Variants in ST6GALNAC3 observed in about 807,000 individuals in gnomAD.
The protein encoded by ST6GALNAC3 is ST6 N-acetylgalactosaminide alpha-2,6-sialyltransferase 3, also known as alpha-N-acetylgalactosaminide alpha-2,6-sialyltransferase 3.
ST6GALNAC3 carries 25 observed loss-of-function variants against 32.7 expected under a neutral mutation model. The ratio of observed to expected loss-of-function variants is 0.76; its 90% CI spans 0.56 to 1.07. ST6GALNAC3 has a LOEUF of 1.07. Among genes scored for constraint, ST6GALNAC3 ranks in the 50% least tolerant of loss-of-function variants. ST6GALNAC3 has a pLI of 0.00. For missense variants in ST6GALNAC3, 355 were observed against 382.4 expected (o/e 0.93, Z 0.60); for synonymous variants, 129 against 133.1 (o/e 0.97, Z 0.21).
chr1:76,496,313 A>G (rs1249430499), intron 3 of ST6GALNAC3, among the ~76,000 whole-genome samples: 3 of 152,184 alleles, frequency 2.0e-5, no homozygotes, highest in African/African-American at 7.2e-5. Flanking sequence ...TGGAGAAGCT[A>G]AGGCAGAAGG....
intron 2 of ST6GALNAC3, among the ~76,000 whole-genome samples, chr1:76,391,564 CT>C: frequency 6.8e-6 from 1 of 146,454 alleles, no homozygotes; most frequent in Non-Finnish European, 1.5e-5. Context: ...TCCTTCCTTC[CT>C]TCCTTCCTCC....
chr1:76,401,316 CTTT>C (rs1412845310), intron 2 of ST6GALNAC3, among the ~76,000 whole-genome samples: 1 of 151,878 alleles, frequency 6.6e-6, no homozygotes, highest in Non-Finnish European at 1.5e-5. Context: ...TTCTTGAGTT[CTTT>C]ATTTCATGTA....
chr1:76,123,019 T>C (rs1648988327), intron 1 of ST6GALNAC3, among the ~76,000 whole-genome samples: 2 of 152,196 alleles, frequency 1.3e-5, no homozygotes, highest in South Asian at 4.1e-4. Flanking sequence ...CCAGATCTCT[T>C]GAATCCAGAT....
At chr1:76,635,494 A>G (rs1018922349), downstream of ST6GALNAC3, among the ~76,000 whole-genome samples, 7 of 152,182 alleles carry the variant, frequency 4.6e-5, no homozygotes, top group African/African-American at 1.7e-4. Context: ...GAAGCACTAG[A>G]GAGATTAAAT....
chr1:76,405,016 G>C (rs1204819403), intron 2 of ST6GALNAC3, among the ~76,000 whole-genome samples: 2 of 152,100 alleles, frequency 1.3e-5, no homozygotes, highest in African/African-American at 4.8e-5. Context: ...ATATCAAATA[G>C]AAATTCATTT....
chr1:76,125,304 G>A (rs192508122), intron 1 of ST6GALNAC3, among the ~76,000 whole-genome samples: 45 of 152,168 alleles, frequency 3.0e-4, no homozygotes, highest in Middle Eastern at 3.4e-3. Context: ...CCTCCTTATC[G>A]GATCTTGTTC....
chr1:76,148,488 C>A (rs566828913), intron 1 of ST6GALNAC3, among the ~76,000 whole-genome samples: 23 of 152,228 alleles, frequency 1.5e-4, no homozygotes, highest in African/African-American at 5.3e-4. Context: ...GTTTTCCTTC[C>A]GATATCTTTA....
chr1:76,417,206 G>GT lies in ST6GALNAC3; in HGVS notation c.623+4799dup, dbSNP rs1188575817. 3.5e-3 allele frequency among the ~76,000 whole-genome samples: 486 copies of GT among 140,500 alleles called. 3 individuals are homozygous for GT. The highest frequency in any genetic ancestry group is 0.01 in the African/African-American group (397 of 38,342). The allele number at this position is 140,500 out of a possible 152,430, so 92.2% of individuals were successfully genotyped here. A position where few individuals can be genotyped will look rare whatever the true frequency, so the allele number is the denominator to read the frequency against. On this transcript the variant is annotated intron_variant, in intron 3 of 4. Transcript: ENST00000328299. ...TGTCTTTATCTTCTGGGGCCCAGTT[G>GT]TTTTTTTTTTCTTTCTTTCTTTTTT...
chr1:76,578,283 A>G (rs1646840798), intron 3 of ST6GALNAC3, among the ~76,000 whole-genome samples: 2 of 152,052 alleles, frequency 1.3e-5, no homozygotes, highest in South Asian at 4.1e-4. Flanking sequence ...TAAATAATGT[A>G]GAGGCCTATA....
At chr1:76,092,982 G>C (rs1647070224) in intron 1 of ST6GALNAC3, among the ~76,000 whole-genome samples, 1 of 152,168 alleles carries the variant, frequency 6.6e-6, no homozygotes, top group African/African-American at 2.4e-5. Context: ...AGAGGCAGAG[G>C]CAGGTGGTTT....
chr1:76,260,446 A>G (rs535406597), intron 1 of ST6GALNAC3, among the ~76,000 whole-genome samples: 21 of 152,342 alleles, frequency 1.4e-4, no homozygotes, highest in African/African-American at 5.1e-4. Flanking sequence ...AACACTTGCT[A>G]TGTACAGGGT....
chr1:76,283,098 G>C (rs370152307), intron 1 of ST6GALNAC3, among the ~76,000 whole-genome samples: 4 of 151,872 alleles, frequency 2.6e-5, no homozygotes, highest in African/African-American at 9.7e-5. Flanking sequence ...GCCCCTGAAC[G>C]CCCCCATCCC....
intron 3 of ST6GALNAC3, among the ~76,000 whole-genome samples, chr1:76,424,414 G>T (rs553840766): frequency 6.4e-4 from 97 of 151,472 alleles, no homozygotes; most frequent in Admixed American, 1.3e-3. Flanking sequence ...ATTCTTGGTG[G>T]GCAAAGATCA....
At chr1:76,483,258 T>A (rs1659859544) in intron 3 of ST6GALNAC3, among the ~76,000 whole-genome samples, 1 of 152,150 alleles carries the variant, frequency 6.6e-6, no homozygotes, top group African/African-American at 2.4e-5. Flanking sequence ...GATGGCTGGG[T>A]CAAATGGTAT....
chr1:76,130,552 A>C (rs1250186666), intron 1 of ST6GALNAC3, among the ~76,000 whole-genome samples: 1 of 152,204 alleles, frequency 6.6e-6, no homozygotes, highest in Non-Finnish European at 1.5e-5. Flanking sequence ...CCACCTGCTC[A>C]TGTAGTTGAC....
At chr1:76,592,919 G>A (rs1346747820) in intron 3 of ST6GALNAC3, among the ~76,000 whole-genome samples, 2 of 152,098 alleles carry the variant, frequency 1.3e-5, no homozygotes, top group Non-Finnish European at 2.9e-5. Context: ...AGAAGCCAAA[G>A]ACTATTTTAT....
intron 1 of ST6GALNAC3, among the ~76,000 whole-genome samples, chr1:76,294,011 G>T (rs1248095066): frequency 2.0e-5 from 3 of 152,134 alleles, no homozygotes; most frequent in Non-Finnish European, 4.4e-5. Context: ...GGAGCATGTA[G>T]ACTTCCTTTG....
chr1:76,490,512 G>C (rs769123048), intron 3 of ST6GALNAC3, among the ~76,000 whole-genome samples: 2 of 149,830 alleles, frequency 1.3e-5, no homozygotes, highest in African/African-American at 2.4e-5. Context: ...TGTATAGATA[G>C]TGTGTGTGTT....
chr1:76,391,603 T>TTCCCC (rs1283939569), intron 2 of ST6GALNAC3, among the ~76,000 whole-genome samples: 1 of 145,910 alleles, frequency 6.9e-6, no homozygotes, highest in East Asian at 2.1e-4. Flanking sequence ...CCCCTTCCCC[T>TTCCCC]TCCCTTCCCT....
Sources: allele counts gnomAD v4.1 joint callset (sites outside exome capture counted in the v4.1 genomes callset), GRCh38; gene constraint gnomAD v4.1.1; transcripts MANE v1.5; gene names NCBI Gene and HGNC (gene_info 2026-07-23, HGNC 2026-07-21).